Variants in RIMS2 observed in about 807,000 individuals in gnomAD.
RIMS2 encodes regulating synaptic membrane exocytosis protein 2.
A neutral mutation model predicts 174.4 loss-of-function variants in RIMS2; 59 were observed. That is an observed-to-expected ratio of 0.34 (90% confidence interval 0.27 to 0.42). The LOEUF (loss-of-function observed/expected upper bound fraction) is 0.42, where lower values mean the gene tolerates loss of function less well. Among genes scored for constraint, RIMS2 ranks in the 10% least tolerant of loss-of-function variants. The probability of loss-of-function intolerance (pLI) is 1.00; values close to 1 mark genes in which losing one functional copy is unlikely to be tolerated. For synonymous variants in RIMS2, 606 were observed against 572.5 expected, an observed-to-expected ratio of 1.06 and a Z score of -0.84; for missense variants, 1,620 against 1,666.3, an observed-to-expected ratio of 0.97 and a Z score of 0.48.
intron 1 of RIMS2, among the ~76,000 whole-genome samples, chr8:103,675,324 C>T (rs927054726): frequency 6.6e-6 from 1 of 152,194 alleles, no homozygotes; most frequent in African/African-American, 2.4e-5. Flanking sequence ...CATCTGGGTC[C>T]TGAATTTACA....
intron 19 of RIMS2, among the ~76,000 whole-genome samples, chr8:104,121,625 T>A (rs1051062615): frequency 5.3e-5 from 8 of 152,314 alleles, no homozygotes; most frequent in African/African-American, 1.9e-4. Flanking sequence ...CTCATTTATT[T>A]AATAAATATC....
chr8:103,653,811 C>G (rs2096489232), intron 1 of RIMS2, among the ~76,000 whole-genome samples: 1 of 152,004 alleles, frequency 6.6e-6, no homozygotes, highest in Non-Finnish European at 1.5e-5. Flanking sequence ...ATATGTAGTT[C>G]TCAAATTGGA....
In RIMS2 at chr8:103,790,273, T is replaced by A. The variant is rs2098484667; in HGVS notation, c.698+23736T>A. Among the ~76,000 whole-genome samples, 7 of 152,360 alleles carry A rather than the reference T, an allele frequency of 4.6e-5. 1 individual carries two copies. The South Asian group carries it at 1.4e-3, about 32-fold the overall frequency. Reference sequence around the variant, plus strand: ...AGTCACTTGTCATTCTTCTCTTTCCTCAGTCCTCTGGCAACCACTAATCTA... The same window carrying A: ...AGTCACTTGTCATTCTTCTCTTTCCACAGTCCTCTGGCAACCACTAATCTA... On this transcript the variant is annotated intron_variant, in intron 3 of 23. Coordinates refer to ENST00000504942, the Ensembl canonical transcript of RIMS2.
rs1426668504 is a variant in RIMS2, at chr8:103,727,115, G to T, written c.387+29819G>T. Reference sequence around the variant, plus strand: ...CTTCTACTTATTTTTATATAGAAAGGATATAGATTTTTTTGTGTTATTAAT... The same window carrying T: ...CTTCTACTTATTTTTATATAGAAAGTATATAGATTTTTTTGTGTTATTAAT... On this transcript the variant is annotated intron_variant, in intron 2 of 23. Coordinates refer to ENST00000504942, the Ensembl canonical transcript of RIMS2. 7.2e-5 allele frequency among the ~76,000 whole-genome samples: 11 copies of T among 151,806 alleles called. No homozygotes were observed. In the East Asian group the frequency reaches 2.1e-3, roughly 29 times the overall value.
At chr8:103,549,844 T>A (rs1417533350) in intron 1 of RIMS2, among the ~76,000 whole-genome samples, 2 of 152,072 alleles carry the variant, frequency 1.3e-5, no homozygotes, top group Non-Finnish European at 2.9e-5. Flanking sequence ...AAACAGACTT[T>A]AAACCCACAA....
chr8:103,967,748 G>A (rs2092276221), intron 15 of RIMS2, among the ~76,000 whole-genome samples: 1 of 151,710 alleles, frequency 6.6e-6, no homozygotes, highest in African/African-American at 2.4e-5. Flanking sequence ...ATCTCTTCTT[G>A]AAGACTTGGC....
chr8:103,706,087 C>T (rs998226237), intron 2 of RIMS2, among the ~76,000 whole-genome samples: 5 of 151,606 alleles, frequency 3.3e-5, no homozygotes, highest in Admixed American at 1.3e-4. Flanking sequence ...GGTATTTCTT[C>T]GTCGTTTCTA....
At chr8:103,834,326 CTTTTTCT>C (rs2098844412) in intron 3 of RIMS2, among the ~76,000 whole-genome samples, 1 of 118,998 alleles carries the variant, frequency 8.4e-6, no homozygotes, top group South Asian at 2.7e-4. Flanking sequence ...TTTCTTTTTT[CTTTTTCT>C]TTTTTTTTTT....
chr8:103,768,946 A>C, intron 3 of RIMS2: 1 of 409,042 alleles, frequency 2.4e-6, no homozygotes, highest in Non-Finnish European at 4.8e-6. Flanking sequence ...GGCTAAACAG[A>C]AGCGTCAGGA....
chr8:103,605,651 A>G (rs1356611529), intron 1 of RIMS2, among the ~76,000 whole-genome samples: 2 of 151,932 alleles, frequency 1.3e-5, no homozygotes, highest in East Asian at 3.9e-4. Context: ...TGGTTGGTAA[A>G]CTATTGAGTA....
chr8:103,890,804 T>G (rs1180791992), intron 4 of RIMS2, among the ~76,000 whole-genome samples: 1 of 151,892 alleles, frequency 6.6e-6, no homozygotes, highest in East Asian at 1.9e-4. Context: ...AAATATATTT[T>G]TTCATAGCCT....
At chr8:103,928,791 A>T (rs72681376) in intron 11 of RIMS2, among the ~76,000 whole-genome samples, 1 of 151,440 alleles carries the variant, frequency 6.6e-6, no homozygotes, top group Admixed American at 6.6e-5. Flanking sequence ...AATTTAAATT[A>T]TACTAATATT....
intron 1 of RIMS2, among the ~76,000 whole-genome samples, chr8:103,610,056 T>C (rs2095312772): frequency 6.6e-6 from 1 of 152,188 alleles, no homozygotes; most frequent in African/African-American, 2.4e-5. Context: ...CTTCCTTCAT[T>C]AGCTGTATTC....
intron 19 of RIMS2, among the ~76,000 whole-genome samples, chr8:104,140,022 T>C (rs2098553125): frequency 6.6e-6 from 1 of 152,236 alleles, no homozygotes; most frequent in Admixed American, 6.5e-5. Context: ...GAAATTATCA[T>C]ATGGTTTTTG....
At chr8:103,729,024 G>T (rs2097560228) in intron 2 of RIMS2, among the ~76,000 whole-genome samples, 1 of 151,732 alleles carries the variant, frequency 6.6e-6, no homozygotes, top group Non-Finnish European at 1.5e-5. Context: ...AGTGATTTTG[G>T]CCTTTAGTTT....
chr8:104,056,879 C>A (rs2096877952), intron 19 of RIMS2, among the ~76,000 whole-genome samples: 1 of 151,790 alleles, frequency 6.6e-6, no homozygotes, highest in South Asian at 2.1e-4. Flanking sequence ...AGAGCAACAC[C>A]CTGTCTTAAA....
At chr8:103,594,642 G>C (rs1043797899) in intron 1 of RIMS2, among the ~76,000 whole-genome samples, 9 of 151,746 alleles carry the variant, frequency 5.9e-5, no homozygotes, top group Non-Finnish European at 1.3e-4. Context: ...CTGTATTTGT[G>C]TTCTCTGATA....
intron 3 of RIMS2, chr8:103,768,500 C>T (rs551950569): frequency 8.2e-5 from 81 of 991,256 alleles, no homozygotes; most frequent in East Asian, 3.3e-4. Context: ...TGGCCGTGTC[C>T]GCCTGCTAAT....
At chr8:103,634,905 A>G (rs181760585) in intron 1 of RIMS2, among the ~76,000 whole-genome samples, 1 of 151,820 alleles carries the variant, frequency 6.6e-6, no homozygotes, top group African/African-American at 2.4e-5. Context: ...TTCTGAGCCT[A>G]TGAGTGTCAT....
Sources: allele counts gnomAD v4.1 joint callset (sites outside exome capture counted in the v4.1 genomes callset), GRCh38; gene constraint gnomAD v4.1.1; transcripts MANE v1.5; gene names NCBI Gene and HGNC (gene_info 2026-07-23, HGNC 2026-07-21).